Variants in ZNF679 observed in about 807,000 individuals in gnomAD.
ZNF679 encodes zinc finger protein 679, also known as hypothetical protein MGC42415.
ZNF679 carries 10 observed loss-of-function variants against 13.4 expected under a neutral mutation model. The ratio of observed to expected loss-of-function variants is 0.75; its 90% confidence interval spans 0.46 to 1.27. ZNF679 has a LOEUF of 1.27. ZNF679 is among the 50% of genes most tolerant of loss of function. The pLI, the probability that ZNF679 is intolerant of heterozygous loss-of-function variation, is 0.00. For synonymous variants in ZNF679, 179 were observed against 162.5 expected (o/e 1.10, Z -0.77); for missense variants, 525 against 477.8 (o/e 1.10, Z -0.92).
chr7:64,246,289 AAGTT>A (rs1207737342), intron 1 of ZNF679, among the ~76,000 whole-genome samples: 2 of 152,194 alleles, frequency 1.3e-5, no homozygotes, highest in South Asian at 2.1e-4. Flanking sequence ...CACTTACAAA[AAGTT>A]AGCCAATTGG....
intron 1 of ZNF679, among the ~76,000 whole-genome samples, chr7:64,236,221 A>C (rs569138179): frequency 6.6e-6 from 1 of 150,774 alleles, no homozygotes; most frequent in Non-Finnish European, 1.5e-5. Context: ...GCTGAGATTG[A>C]GCCATCGCAC....
chr7:64,265,293 CT>C (rs1299049225), intron 4 of ZNF679, among the ~76,000 whole-genome samples: 1 of 152,120 alleles, frequency 6.6e-6, no homozygotes, highest in Admixed American at 6.6e-5. Flanking sequence ...CAGGATGTGT[CT>C]TGTCTGCAAT....
chr7:64,237,383 G>C (rs776556830), intron 1 of ZNF679, among the ~76,000 whole-genome samples: 36 of 152,306 alleles, frequency 2.4e-4, no homozygotes, highest in Admixed American at 1.2e-3. Flanking sequence ...CTAGCAGCCA[G>C]GTGGGGAGAG....
chr7:64,234,210 C>G (rs1189415033), intron 1 of ZNF679, among the ~76,000 whole-genome samples: 1 of 152,220 alleles, frequency 6.6e-6, no homozygotes, highest in South Asian at 2.1e-4. Context: ...CCTTCAAAAT[C>G]ACTATGACCA....
Position 64,228,571 on chromosome 7 carries a change from A to T in ZNF679, c.-172A>T, listed in dbSNP as rs976372941. 3.3e-5 allele frequency: 5 copies of T among 152,230 alleles called. No homozygotes were observed. Among genetic ancestry groups the T allele is most frequent in the African/African-American group, 1.2e-4 (5 of 41,458 alleles). 9.4% of individuals were successfully genotyped at this position (152,230 alleles called of 1,614,324 possible). On this transcript the variant is annotated 5_prime_UTR_variant, in exon 1 of 5. Coordinates refer to ENST00000421025, the MANE Select transcript of ZNF679 (RefSeq NM_153363.3). ...GTGCTGTGTGAAAGTATACGCCACAATCACACCTGCGGGAAGGACCAGGAA... is the reference window on the plus strand; with the variant it reads ...GTGCTGTGTGAAAGTATACGCCACATTCACACCTGCGGGAAGGACCAGGAA...
intron 1 of ZNF679, among the ~76,000 whole-genome samples, chr7:64,235,699 G>C (rs1359836789): frequency 6.6e-6 from 1 of 151,992 alleles, no homozygotes; most frequent in East Asian, 1.9e-4. Context: ...TGAGGCAGAA[G>C]CATCGCTGGA....
chr7:64,257,901 C>A (rs1352101860), intron 2 of ZNF679, among the ~76,000 whole-genome samples: 1 of 152,148 alleles, frequency 6.6e-6, no homozygotes, highest in East Asian at 1.9e-4. Flanking sequence ...ATTCCTGGAC[C>A]CTTTTGGGTC....
intron 1 of ZNF679, among the ~76,000 whole-genome samples, chr7:64,235,521 G>C (rs1206528668): frequency 1.3e-5 from 2 of 152,164 alleles, no homozygotes; most frequent in Non-Finnish European, 2.9e-5. Context: ...AGGCTAGGTG[G>C]CTCATGCCTG....
intron 2 of ZNF679, among the ~76,000 whole-genome samples, chr7:64,258,390 T>C (rs1788031936): frequency 6.6e-6 from 1 of 152,108 alleles, no homozygotes; most frequent in Admixed American, 6.6e-5. Flanking sequence ...TTTTTCTTGG[T>C]GAGCATGTCT....
chr7:64,235,892 A>G (rs1787704133), intron 1 of ZNF679, among the ~76,000 whole-genome samples: 1 of 141,964 alleles, frequency 7.0e-6, no homozygotes, highest in Non-Finnish European at 1.5e-5. Flanking sequence ...TTTCATAGAT[A>G]CTTAAAAGAC....
intron 2 of ZNF679, among the ~76,000 whole-genome samples, chr7:64,250,624 C>T (rs62461245): frequency 0.3 from 45,597 of 151,332 alleles, 8,070 homozygotes; most frequent in East Asian, 0.65. Context: ...AGCCCCATTC[C>T]GTCACCCAGG....
At chr7:64,232,871 G>T (rs896691763) in intron 1 of ZNF679, among the ~76,000 whole-genome samples, 1 of 152,130 alleles carries the variant, frequency 6.6e-6, no homozygotes, top group Non-Finnish European at 1.5e-5. Flanking sequence ...AGGTCCTAGG[G>T]AACAGAAGTA....
intron 4 of ZNF679, among the ~76,000 whole-genome samples, chr7:64,265,353 A>G (rs989797482): frequency 1.4e-4 from 22 of 152,246 alleles, no homozygotes; most frequent in African/African-American, 4.8e-4. Context: ...TCTTCTTACC[A>G]GTAGGTAGCT....
At chr7:64,233,635 A>G (rs1286914920) in intron 1 of ZNF679, among the ~76,000 whole-genome samples, 2 of 152,170 alleles carry the variant, frequency 1.3e-5, no homozygotes, top group Non-Finnish European at 2.9e-5. Context: ...TTCCTGTGAT[A>G]CTAGGTACTT....
intron 2 of ZNF679, among the ~76,000 whole-genome samples, chr7:64,250,526 A>T (rs1787932540): frequency 1.3e-5 from 2 of 150,772 alleles, no homozygotes; most frequent in South Asian, 4.2e-4. Context: ...CGCCTTTGCC[A>T]CTTAAAGTGC....
At chr7:64,236,975 A>AAGAAAGAAAGAAAGAAAGAAAG (rs201487010) in intron 1 of ZNF679, among the ~76,000 whole-genome samples, 1 of 16,264 alleles carries the variant, frequency 6.1e-5, no homozygotes, top group East Asian at 5.6e-3. Flanking sequence ...GAAAGAAAGA[A>AAGAAAGAAAGAAAGAAAGAAAG]AAAGAAAGAA....
intron 1 of ZNF679, among the ~76,000 whole-genome samples, chr7:64,238,771 A>G (rs1182216857): frequency 1.3e-5 from 2 of 152,170 alleles, no homozygotes; most frequent in Non-Finnish European, 2.9e-5. Context: ...GCCCCAAAAC[A>G]ATAACAATTA....
intron 4 of ZNF679, among the ~76,000 whole-genome samples, chr7:64,262,684 G>A (rs1788093916): frequency 6.6e-6 from 1 of 152,064 alleles, no homozygotes; most frequent in Non-Finnish European, 1.5e-5. Flanking sequence ...ATTTGTCTTT[G>A]TGTGGATACC....
chr7:64,252,653 A>T (rs751024076), intron 2 of ZNF679, among the ~76,000 whole-genome samples: 11 of 152,226 alleles, frequency 7.2e-5, no homozygotes, highest in Admixed American at 1.3e-4. Context: ...TCATCAAAAC[A>T]TCAGTGTCTC....
Sources: allele counts gnomAD v4.1 joint callset (sites outside exome capture counted in the v4.1 genomes callset), GRCh38; gene constraint gnomAD v4.1.1; transcripts MANE v1.5; gene names NCBI Gene and HGNC (gene_info 2026-07-23, HGNC 2026-07-21).